Variants in JMJD1C observed in about 807,000 individuals in gnomAD.
JMJD1C encodes the protein jumonji domain containing 1C.
Under a neutral mutation model 245.3 loss-of-function variants are expected in JMJD1C, and 31 were observed. That is an observed-to-expected ratio of 0.13 (90% CI 0.09 to 0.17). The LOEUF is 0.17. JMJD1C is among the 10% of genes least tolerant of loss of function. The probability of loss-of-function intolerance (pLI) is 1.00; values close to 1 mark genes in which losing one functional copy is unlikely to be tolerated. For missense variants in JMJD1C, 2,691 were observed against 3,000.2 expected (o/e 0.90, Z 2.41); for synonymous variants, 1,057 against 1,017.4 (o/e 1.04, Z -0.74).
At chr10:63,208,854 A>AGG in intron 9 of JMJD1C, 53 bp from the exon 10 acceptor site, 1 of 1,395,164 alleles carries the variant, frequency 7.2e-7, no homozygotes, top group Non-Finnish European at 9.7e-7. Context: ...TGCAAAATAC[A>AGG]AAGACAGCTT....
chr10:63,502,423 G>A (rs766718021), intron 1 of JMJD1C, among the ~76,000 whole-genome samples: 11 of 152,066 alleles, frequency 7.2e-5, no homozygotes, highest in Non-Finnish European at 1.0e-4. Flanking sequence ...TGGATCAAGA[G>A]GTCAGGAGTT....
chr10:63,460,647 T>C (rs1952728564), intron 1 of JMJD1C, among the ~76,000 whole-genome samples: 2 of 152,180 alleles, frequency 1.3e-5, no homozygotes, highest in South Asian at 4.1e-4. Context: ...GGTACGGTAC[T>C]AAATATGTGA....
chr10:63,444,594 TA>T (rs1434799574), intron 1 of JMJD1C, among the ~76,000 whole-genome samples: 1 of 151,830 alleles, frequency 6.6e-6, no homozygotes, highest in Non-Finnish European at 1.5e-5. Flanking sequence ...TTTAATTAAT[TA>T]AACAAACAAT....
intron 11 of JMJD1C, among the ~76,000 whole-genome samples, chr10:63,200,273 A>G (rs1845872271): frequency 6.6e-6 from 1 of 152,204 alleles, no homozygotes. Flanking sequence ...GAACATGAGT[A>G]ATAATGTATG....
chr10:63,207,293 G>A lies in JMJD1C; in HGVS notation c.4376C>T (p.Ala1459Val). Residue 1459 changes from alanine to valine, a missense_variant, in exon 10 of 26, where the codon GCC (alanine) becomes GTC (valine). By Grantham distance (64) the Ala-to-Val change is moderately conservative. Coordinates refer to ENST00000399262, the MANE Select transcript of JMJD1C (RefSeq NM_032776.3). ...AACAACACTTCCTGTCTTACTACTG[G>A]CTAATGTAACTGGTGCTGTGGTGCT... ...KVSTTAPVTL[A>V]SSKTGSVVQP... The A allele has an allele frequency of 6.2e-7, 1 of 1,613,630 alleles. No homozygotes were observed. Among genetic ancestry groups the A allele is most frequent in the Non-Finnish European group, 8.5e-7 (1 of 1,180,016 alleles).
chr10:63,354,440 T>C (rs569665191), intron 2 of JMJD1C, among the ~76,000 whole-genome samples: 63 of 152,284 alleles, frequency 4.1e-4, no homozygotes, highest in African/African-American at 1.4e-3. Flanking sequence ...ATCTTATTAA[T>C]CATTTCTTCA....
chr10:63,237,411 T>G (rs1332957325), intron 3 of JMJD1C, among the ~76,000 whole-genome samples: 6 of 152,128 alleles, frequency 3.9e-5, no homozygotes, highest in African/African-American at 4.8e-5. Context: ...CACATCGAAG[T>G]TTTTTGGGCT....
At chr10:63,299,292 G>A (rs753071948) in intron 2 of JMJD1C, among the ~76,000 whole-genome samples, 1 of 150,570 alleles carries the variant, frequency 6.6e-6, no homozygotes, top group Non-Finnish European at 1.5e-5. Context: ...AGCGATTCTC[G>A]CCCCTCAAGA....
At chr10:63,297,033 G>C (rs1416184114) in intron 2 of JMJD1C, among the ~76,000 whole-genome samples, 1 of 152,100 alleles carries the variant, frequency 6.6e-6, no homozygotes, top group Non-Finnish European at 1.5e-5. Context: ...TCAAAATTAG[G>C]AACCAGTCAT....
chr10:63,208,943 TC>T, intron 9 of JMJD1C, 119 bp downstream of exon 9: 1 of 1,105,992 alleles, frequency 9.0e-7, no homozygotes, highest in Non-Finnish European at 1.3e-6. Flanking sequence ...TGAAGAAATA[TC>T]AAAACAGAAC....
At chr10:63,355,132 TTG>T (rs1944724412) in intron 2 of JMJD1C, among the ~76,000 whole-genome samples, 1 of 152,116 alleles carries the variant, frequency 6.6e-6, no homozygotes, top group Non-Finnish European at 1.5e-5. Context: ...TCTCTCTCAC[TTG>T]TGCTGCCATG....
intron 1 of JMJD1C, among the ~76,000 whole-genome samples, chr10:63,397,596 C>T (rs1948588770): frequency 6.6e-6 from 1 of 152,044 alleles, no homozygotes; most frequent in South Asian, 2.1e-4. Flanking sequence ...TACAGTGGCA[C>T]AATCACGGTT....
intron 1 of JMJD1C, among the ~76,000 whole-genome samples, chr10:63,408,335 G>T (rs557607672): frequency 6.6e-6 from 1 of 151,834 alleles, no homozygotes; most frequent in Non-Finnish European, 1.5e-5. Flanking sequence ...CCTGGGAGGC[G>T]AAGGTTGCAG....
At position 63,191,093 on chromosome 10, in the gene JMJD1C, G is replaced by C. The variant is rs535143415; in HGVS notation, c.6092C>G (p.Thr2031Ser). Residue 2031 changes from threonine to serine, a missense_variant, in exon 17 of 26, where the codon ACC (threonine) becomes AGC (serine). Transcript: ENST00000399262. ...TTCTTCTTTAATTTGGTTTTCAAGG[G>C]TAAGTTCTTTGTTTTCTGAAATAGA... ...REEKKENKEL[T>S]LENQIKEERE... is the part of the protein sequence containing the mutation. 6.2e-7 allele frequency: 1 copy of C among 1,612,092 alleles called. No individual in the cohort carries two copies. Among genetic ancestry groups the C allele is most frequent in the Admixed American group, 1.7e-5 (1 of 59,956 alleles).
chr10:63,259,116 GT>G (rs1854360026), intron 3 of JMJD1C, among the ~76,000 whole-genome samples: 1 of 152,158 alleles, frequency 6.6e-6, no homozygotes, highest in Admixed American at 6.5e-5. Context: ...ACAAAGCACT[GT>G]AACAGGAAGT....
chr10:63,352,979 G>A (rs1176091416), intron 2 of JMJD1C, among the ~76,000 whole-genome samples: 1 of 152,138 alleles, frequency 6.6e-6, no homozygotes, highest in Non-Finnish European at 1.5e-5. Context: ...TCACAACACT[G>A]AACAAAACCA....
chr10:63,434,956 A>C (rs1950981926), intron 1 of JMJD1C, among the ~76,000 whole-genome samples: 1 of 152,228 alleles, frequency 6.6e-6, no homozygotes, highest in Admixed American at 6.5e-5. Context: ...CTGCTGTAAA[A>C]TGCCCTCCTC....
chr10:63,312,115 T>TGTG (rs1554883184), intron 2 of JMJD1C, among the ~76,000 whole-genome samples: 3 of 132,570 alleles, frequency 2.3e-5, no homozygotes, highest in Admixed American at 1.6e-4. Context: ...TTTTTTTTTT[T>TGTG]TGTGTGTGTG....
chr10:63,255,250 T>G (rs1853715928), intron 3 of JMJD1C, among the ~76,000 whole-genome samples: 1 of 152,212 alleles, frequency 6.6e-6, no homozygotes, highest in Non-Finnish European at 1.5e-5. Flanking sequence ...CTACCATATA[T>G]TCTCTTCCTT....
Sources: gnomAD v4.1 joint callset for allele counts (sites outside exome capture counted in the v4.1 genomes callset) on GRCh38, gnomAD v4.1.1 for gene constraint, MANE v1.5 for transcripts, NCBI Gene and HGNC (gene_info 2026-07-23, HGNC 2026-07-21) for gene names.